PRELID2: variants seen among roughly 807,000 people sequenced by gnomAD.
PRELID2 encodes PRELI domain-containing protein 2.
In PRELID2, 25 loss-of-function variants were observed where a neutral mutation model predicts 28.4. That is an observed-to-expected ratio of 0.88 (90% CI 0.64 to 1.23). The LOEUF is 1.23. PRELID2 is among the 50% of genes most tolerant of loss of function. The probability of loss-of-function intolerance (pLI) is 0.00; values close to 1 mark genes in which losing one functional copy is unlikely to be tolerated. For missense variants in PRELID2, 201 were observed against 214.4 expected (o/e 0.94, Z 0.39); for synonymous variants, 76 against 71.6 (o/e 1.06, Z -0.31).
the PRELID2 span, among the ~76,000 whole-genome samples, chr5:145,242,249 G>T: frequency 6.6e-6 from 1 of 151,930 alleles, no homozygotes; most frequent in African/African-American, 2.4e-5. Flanking sequence ...TTTCCACATG[G>T]TTTACTTTCT....
At chr5:145,619,039 G>A (rs528823834) in intron 1 of PRELID2, among the ~76,000 whole-genome samples, 64 of 152,126 alleles carry the variant, frequency 4.2e-4, no homozygotes, top group African/African-American at 1.4e-3. Context: ...CCATACCCCC[G>A]CTAACAGCAC....
chr5:145,337,107 T>TATAATA, the PRELID2 span, among the ~76,000 whole-genome samples: 2,006 of 149,874 alleles, frequency 0.013, 41 homozygotes, highest in African/African-American at 0.046. Flanking sequence ...AAACTTGAAG[T>TATAATA]ATAATAATAA....
chr5:145,629,211 C>T (rs540084039), intron 1 of PRELID2, among the ~76,000 whole-genome samples: 2 of 152,286 alleles, frequency 1.3e-5, no homozygotes, highest in East Asian at 1.9e-4. Context: ...TGACTGGGCC[C>T]TACAGGTCCT....
chr5:145,670,146 T>C (rs1754677031), intron 1 of PRELID2, among the ~76,000 whole-genome samples: 1 of 152,146 alleles, frequency 6.6e-6, no homozygotes, highest in Non-Finnish European at 1.5e-5. Context: ...TTCTGCCAGC[T>C]GTCCAAGAAA....
intron 1 of PRELID2, among the ~76,000 whole-genome samples, chr5:145,501,538 C>T (rs935787621): frequency 1.3e-5 from 2 of 152,156 alleles, no homozygotes; most frequent in African/African-American, 2.4e-5. Flanking sequence ...GAATAAGTCT[C>T]ATGAGAGCTG....
the PRELID2 span, among the ~76,000 whole-genome samples, chr5:145,312,860 T>A: frequency 7.3e-4 from 111 of 152,290 alleles, 1 homozygote; most frequent in African/African-American, 2.6e-3. Context: ...TTCTATTTCT[T>A]CTAGCTATAT....
intron 1 of PRELID2, among the ~76,000 whole-genome samples, chr5:145,688,130 T>G (rs539274722): frequency 4.4e-4 from 67 of 152,348 alleles, no homozygotes; most frequent in African/African-American, 1.4e-3. Flanking sequence ...TCAGCTGCTG[T>G]GGGTGATGGG....
rs1011059573 is a variant in PRELID2, at chr5:145,577,907, A to T, written n.71-104592T>A. 5.1e-4 allele frequency among the ~76,000 whole-genome samples: 77 copies of T among 152,300 alleles called. 1 individual carries two copies. The highest frequency in any genetic ancestry group is 1.8e-3 in the African/African-American group (76 of 41,566). ...TCAACAAATATTAGCTGAATAAAAA[A>T]TAAACAAATGCATAAATGAATAAGT... On this transcript the variant is annotated intron_variant and non_coding_transcript_variant, in intron 1 of 2. Transcript: ENST00000510259.
chr5:145,699,462 A>G (rs1755357319), intron 1 of PRELID2, among the ~76,000 whole-genome samples: 1 of 152,100 alleles, frequency 6.6e-6, no homozygotes, highest in Non-Finnish European at 1.5e-5. Flanking sequence ...AGAGTCATCC[A>G]TTTGCCAGGT....
rs142114031 is a variant in PRELID2 at position 145,817,745 on chromosome 5, T to C, written c.368+149A>G. ...CCTGACCTCCCTTGCAAAAAATTCA[T>C]TAATTACTGTGATTAAAAAATTAAT... is the stretch of plus-strand genomic sequence containing the variant. On this transcript the variant is annotated intron_variant, in intron 4 of 6. Coordinates refer to ENST00000683046, the MANE Select transcript of PRELID2 (RefSeq NM_205846.3). 16 of 639,278 alleles carry C rather than the reference T, an allele frequency of 2.5e-5. No individual in the cohort carries two copies. In the East Asian group the frequency reaches 2.8e-4, roughly 11 times the overall value. The allele number at this position is 639,278 out of a possible 1,614,324, so 39.6% of individuals were successfully genotyped here. A position where few individuals can be genotyped will look rare whatever the true frequency, so the allele number is the denominator to read the frequency against.
chr5:145,611,225 A>G (rs1753612635), intron 1 of PRELID2, among the ~76,000 whole-genome samples: 1 of 151,868 alleles, frequency 6.6e-6, no homozygotes, highest in African/African-American at 2.4e-5. Context: ...GTGCAGTGGC[A>G]CAATCTTGGC....
the PRELID2 span, among the ~76,000 whole-genome samples, chr5:145,284,682 A>C: frequency 6.6e-6 from 1 of 152,114 alleles, no homozygotes; most frequent in African/African-American, 2.4e-5. Context: ...AAATTCAGCT[A>C]TTTAAATCCC....
chr5:145,311,726 A>G, the PRELID2 span, among the ~76,000 whole-genome samples: 63 of 152,296 alleles, frequency 4.1e-4, no homozygotes, highest in African/African-American at 1.4e-3. Context: ...ATGTTGAGTG[A>G]TTCCCATTAC....
rs149439420 is a variant in PRELID2 at position 145,662,059 on chromosome 5, C to T, written n.70+102872G>A. 7.2e-5 allele frequency among the ~76,000 whole-genome samples: 11 copies of T among 152,086 alleles called. No homozygotes were observed. In the East Asian group the frequency reaches 1.9e-3, roughly 27 times the overall value. On this transcript the variant is annotated intron_variant and non_coding_transcript_variant, in intron 1 of 2. Transcript: ENST00000510259. The stretch of plus-strand genomic sequence containing the variant: ...TTTCCAAATCATTTTTCCCCAGCTA[C>T]AATTTAATATCTCGGGGTCCAATGC...
chr5:145,578,981 G>A (rs866013308), intron 1 of PRELID2, among the ~76,000 whole-genome samples: 1 of 152,044 alleles, frequency 6.6e-6, no homozygotes, highest in Admixed American at 6.6e-5. Flanking sequence ...TGCTAAAAAT[G>A]TATCAGTCAG....
rs1365381250 is a variant in PRELID2 at position 145,667,232 on chromosome 5, G to A, written n.70+97699C>T. Among the ~76,000 whole-genome samples the A allele has an allele frequency of 2.0e-5, 3 of 151,966 alleles. No homozygotes were observed. In the East Asian group the frequency reaches 5.8e-4, roughly 29 times the overall value. On this transcript the variant is annotated intron_variant and non_coding_transcript_variant, in intron 1 of 2. Coordinates refer to the PRELID2 transcript ENST00000510259. Reference sequence around the variant, plus strand: ...CCTTTAGTGGATATTTTTTTCTTCTGGAACTCCCCAAAGTCTCCCATTCTG... The same window carrying A: ...CCTTTAGTGGATATTTTTTTCTTCTAGAACTCCCCAAAGTCTCCCATTCTG...
the PRELID2 span, among the ~76,000 whole-genome samples, chr5:145,283,143 TGGAATGA>T: frequency 1.3e-5 from 2 of 152,158 alleles, no homozygotes; most frequent in Admixed American, 6.6e-5. Flanking sequence ...AAACTTTAAT[TGGAATGA>T]GGAAGTCAAA....
At chr5:145,446,567 T>C in the PRELID2 span, among the ~76,000 whole-genome samples, 2 of 152,292 alleles carry the variant, frequency 1.3e-5, no homozygotes, top group East Asian at 3.9e-4. Flanking sequence ...TTAATGTGGC[T>C]GGTGGATGGT....
chr5:145,292,400 G>A, the PRELID2 span, among the ~76,000 whole-genome samples: 3 of 151,832 alleles, frequency 2.0e-5, no homozygotes, highest in Admixed American at 6.6e-5. Context: ...TGTGTGCAGG[G>A]GCAGGGGTTG....
Sources: allele counts gnomAD v4.1 joint callset (sites outside exome capture counted in the v4.1 genomes callset), GRCh38; gene constraint gnomAD v4.1.1; transcripts MANE v1.5; gene names NCBI Gene and HGNC (gene_info 2026-07-23, HGNC 2026-07-21).